Variants in NDC1 observed in about 807,000 individuals in gnomAD.
NDC1 encodes nucleoporin NDC1.
Under a neutral mutation model 89.8 loss-of-function variants are expected in NDC1, and 24 were observed. The ratio of observed to expected loss-of-function variants is 0.27; its 90% CI spans 0.19 to 0.38. NDC1 has a LOEUF of 0.38. Ranked by LOEUF, NDC1 falls within the 10% of genes least tolerant of loss-of-function variation. The pLI is 1.00. For synonymous variants in NDC1, 296 were observed against 284.8 expected, an observed-to-expected ratio of 1.04 and a Z score of -0.39; for missense variants, 728 against 797.6, an observed-to-expected ratio of 0.91 and a Z score of 1.05.
At position 53,825,834 on chromosome 1, in the gene NDC1, A is replaced by T. The variant is rs746231477; in HGVS notation, c.558T>A (p.Val186=). Residue 186 remains valine (V), a synonymous_variant, in exon 5 of 18, where the codon GTT becomes GTA. Transcript: ENST00000371429. ...MGYSYSLLYF[V]NNMNYLPFPI... ...GAAATGGAAGATAGTTCATGTTGTT[A>T]ACAAAATACAGGAGGCTATAGCTAT... 6.2e-7 allele frequency: 1 copy of T among 1,600,990 alleles called. No individual in the cohort carries two copies. Among genetic ancestry groups the T allele is most frequent in the East Asian group, 2.2e-5 (1 of 44,740 alleles).
At chr1:53,828,213 G>A (rs1648937498) in intron 3 of NDC1, 40 bp from the exon 4 acceptor site, 2 of 1,580,016 alleles carry the variant, frequency 1.3e-6, no homozygotes, top group African/African-American at 2.7e-5. Flanking sequence ...ATAACCTACA[G>A]CATATGCAGT....
At chr1:53,817,247 C>G (rs1360359120) in intron 6 of NDC1, among the ~76,000 whole-genome samples, 18 of 152,178 alleles carry the variant, frequency 1.2e-4, no homozygotes, top group Admixed American at 1.2e-3. Flanking sequence ...CCCAAATGCC[C>G]ATCAATCAAC....
In NDC1 at chr1:53,767,950, A is replaced by G. The variant is rs372305558; in HGVS notation, c.*20T>C. On this transcript the variant is annotated 3_prime_UTR_variant, in exon 18 of 18. Transcript: ENST00000371429. ...TGTAGTTGTATCAGCAGTGTAATGA[A>G]CACAGTTTATATTACTTAACTATTC... 30 of 1,518,302 alleles carry G rather than the reference A, an allele frequency of 2.0e-5. No individual in the cohort carries two copies. In the African/African-American group the frequency reaches 3.3e-4, roughly 17 times the overall value. 94.1% of individuals were successfully genotyped at this position (1,518,302 alleles called of 1,614,324 possible). A position where few individuals can be genotyped will look rare whatever the true frequency, so the allele number is the denominator to read the frequency against.
intron 16 of NDC1, among the ~76,000 whole-genome samples, chr1:53,774,902 A>C (rs1397948654): frequency 6.6e-6 from 1 of 152,158 alleles, no homozygotes; most frequent in East Asian, 1.9e-4. Context: ...AAAAAACTAA[A>C]TAAATAAAAT....
At position 53,786,283 on chromosome 1, in the gene NDC1, C is replaced by T. The variant is rs182973920; in HGVS notation, c.1800+875G>A. On this transcript the variant is annotated intron_variant, in intron 16 of 17. Coordinates refer to ENST00000371429, the MANE Select transcript of NDC1 (RefSeq NM_018087.5). Reference sequence around the variant, plus strand: ...TAGTGTTTATAGCTGTCATGTGACACGTAACTAATATTATAAGGTGACATA... The same window carrying T: ...TAGTGTTTATAGCTGTCATGTGACATGTAACTAATATTATAAGGTGACATA... 6.3e-4 allele frequency among the ~76,000 whole-genome samples: 95 copies of T among 151,902 alleles called. 1 individual carries two copies. Among genetic ancestry groups the T allele is most frequent in the African/African-American group, 2.2e-3 (92 of 41,502 alleles).
intron 6 of NDC1, among the ~76,000 whole-genome samples, chr1:53,811,782 C>T (rs896217504): frequency 6.6e-6 from 1 of 152,080 alleles, no homozygotes; most frequent in African/African-American, 2.4e-5. Flanking sequence ...GCGCCACCTC[C>T]TGGCAGGAGG....
chr1:53,816,559 A>C (rs1648485315), intron 6 of NDC1, among the ~76,000 whole-genome samples: 1 of 152,142 alleles, frequency 6.6e-6, no homozygotes, highest in Admixed American at 6.5e-5. Context: ...TCACGACCAA[A>C]AGCCCAAAAG....
At chr1:53,835,380 T>A in intron 2 of NDC1, 120 bp downstream of exon 2, 1 of 630,850 alleles carries the variant, frequency 1.6e-6, no homozygotes, top group Non-Finnish European at 2.6e-6. Context: ...TCAAAGTGAA[T>A]GTTTTGATGT....
intron 16 of NDC1, among the ~76,000 whole-genome samples, chr1:53,783,373 G>A (rs1175787124): frequency 6.6e-6 from 1 of 152,128 alleles, no homozygotes; most frequent in Non-Finnish European, 1.5e-5. Flanking sequence ...GTGGCTTAAG[G>A]GAAGATAGAC....
chr1:53,771,417 C>T (rs1400089883), intron 17 of NDC1, among the ~76,000 whole-genome samples: 1 of 152,256 alleles, frequency 6.6e-6, no homozygotes, highest in Non-Finnish European at 1.5e-5. Flanking sequence ...ATAATTTCTA[C>T]ACTTCACAGG....
chr1:53,804,312 C>T (rs934208303), intron 9 of NDC1, among the ~76,000 whole-genome samples: 2 of 152,168 alleles, frequency 1.3e-5, no homozygotes, highest in East Asian at 3.8e-4. Context: ...CTCACACAAA[C>T]ATACACTCAC....
rs1647742146 is a variant in NDC1, at chr1:53,797,160, T to C, written c.1223-16A>G. 6.2e-7 allele frequency: 1 copy of C among 1,611,754 alleles called. No individual in the cohort carries two copies. The highest frequency in any genetic ancestry group is 8.5e-7 in the Non-Finnish European group (1 of 1,178,384). ...GCAGTTTCTTCTGTAAAACAACAGA[T>C]CCAGTGCTGAAGAGGCAACCTGATC... On this transcript the variant is annotated splice_polypyrimidine_tract_variant and intron_variant, in intron 11 of 17. Transcript: ENST00000371429.
intron 9 of NDC1, among the ~76,000 whole-genome samples, chr1:53,806,023 G>T (rs1264282809): frequency 1.3e-5 from 2 of 151,996 alleles, no homozygotes; most frequent in African/African-American, 4.8e-5. Context: ...GCAGTGAGCC[G>T]AGATCGCGCC....
rs760310220 is a variant in NDC1 at position 53,835,537 on chromosome 1, G to C, written c.141C>G (p.Ser47Arg). The change falls in exon 2 of 18, where the codon AGC becomes AGG. Residue 47 changes from serine to arginine, a missense_variant. Ser to Arg is a moderately radical substitution (Grantham distance 110). Transcript: ENST00000371429. ...GTATAGGATGAAACAAATCAATCCT[G>C]CTGAAAATTATAAATACTGTGGTGC... ...PICTTVFIIF[S>R]RIDLFHPIQW... The C allele has an allele frequency of 1.9e-6, 3 of 1,613,368 alleles. No individual in the cohort carries two copies. The highest frequency in any genetic ancestry group is 2.7e-5 in the African/African-American group (2 of 74,880).
chr1:53,788,607 A>C (rs1647386304), intron 15 of NDC1, among the ~76,000 whole-genome samples: 1 of 151,854 alleles, frequency 6.6e-6, no homozygotes, highest in Non-Finnish European at 1.5e-5. Context: ...TTGTATTTTT[A>C]GTAGAGAAGG....
At chr1:53,827,120 T>G (rs2100690001) in intron 4 of NDC1, among the ~76,000 whole-genome samples, 1 of 152,182 alleles carries the variant, frequency 6.6e-6, no homozygotes, top group South Asian at 2.1e-4. Context: ...AAAGAAAGCC[T>G]ATGATATTAA....
Position 53,806,524 on chromosome 1 carries a change from A to T in NDC1, c.892-7T>A. The T allele has an allele frequency of 6.9e-7, 1 of 1,458,730 alleles. No homozygotes were observed. The highest frequency in any genetic ancestry group is 1.6e-5 in the South Asian group (1 of 64,200). 90.4% of individuals were successfully genotyped at this position (1,458,730 alleles called of 1,614,324 possible). A position where few individuals can be genotyped will look rare whatever the true frequency, so the allele number is the denominator to read the frequency against. On this transcript the variant is annotated splice_polypyrimidine_tract_variant and splice_region_variant and intron_variant, in intron 8 of 17. Transcript: ENST00000371429. ...GAACAGGAAACACATGAGCCTATCAAATAAATTAAAAACCAAAAATGATTA... is the reference window on the plus strand; with the variant it reads ...GAACAGGAAACACATGAGCCTATCATATAAATTAAAAACCAAAAATGATTA...
intron 16 of NDC1, among the ~76,000 whole-genome samples, chr1:53,779,119 CAAAAAAAAA>C (rs11412563): frequency 1.8e-5 from 1 of 55,524 alleles, no homozygotes; most frequent in Non-Finnish European, 3.5e-5. Context: ...GACTCTGTCG[CAAAAAAAAA>C]AAAAAAAAAA....
chr1:53,789,326 A>C, intron 14 of NDC1, 130 bp from the exon 15 acceptor site: 2 of 583,260 alleles, frequency 3.4e-6, no homozygotes, highest in Non-Finnish European at 6.1e-6. Flanking sequence ...ATTTAAAATA[A>C]ATTCTTTTAT....
Sources: gnomAD v4.1 joint callset for allele counts (sites outside exome capture counted in the v4.1 genomes callset) on GRCh38, gnomAD v4.1.1 for gene constraint, MANE v1.5 for transcripts, NCBI Gene and HGNC (gene_info 2026-07-23, HGNC 2026-07-21) for gene names.